FAT3: variants seen among roughly 807,000 people sequenced by gnomAD.
The protein encoded by FAT3 is FAT atypical cadherin 3.
FAT3 carries 95 observed loss-of-function variants against 310.2 expected under a neutral mutation model. That is an observed-to-expected ratio of 0.31 (90% CI 0.26 to 0.36). The LOEUF (loss-of-function observed/expected upper bound fraction) is 0.36. FAT3 is among the 10% of genes least tolerant of loss of function. The probability of loss-of-function intolerance (pLI) is 1.00; values close to 1 mark genes in which losing one functional copy is unlikely to be tolerated. For synonymous variants in FAT3, 2,314 were observed against 2,192.9 expected, an observed-to-expected ratio of 1.06 and a Z score of -1.54; for missense variants, 5,408 against 5,715.6, an observed-to-expected ratio of 0.95 and a Z score of 1.74.
intron 3 of FAT3, among the ~76,000 whole-genome samples, chr11:92,540,013 C>G (rs138309818): frequency 6.6e-6 from 1 of 152,102 alleles, no homozygotes; most frequent in Non-Finnish European, 1.5e-5. Context: ...TTTTATTTTG[C>G]GCTGAGCCCT....
chr11:92,671,601 T>G (rs1352244514), intron 3 of FAT3, among the ~76,000 whole-genome samples: 7 of 152,120 alleles, frequency 4.6e-5, no homozygotes, highest in Non-Finnish European at 1.0e-4. Flanking sequence ...TCATCCTTTT[T>G]ATTGCATTCA....
intron 2 of FAT3, among the ~76,000 whole-genome samples, chr11:92,447,029 C>T (rs1951228286): frequency 6.6e-6 from 1 of 152,050 alleles, no homozygotes; most frequent in Non-Finnish European, 1.5e-5. Context: ...AAAAATTTAC[C>T]TCTAAATCTG....
At chr11:92,560,555 G>A (rs12223286) in intron 3 of FAT3, among the ~76,000 whole-genome samples, 1,681 of 151,700 alleles carry the variant, frequency 0.011, 33 homozygotes, top group East Asian at 0.094. Flanking sequence ...TCTTACTTTT[G>A]TTGTTCTAAG....
chr11:92,552,584 A>T (rs1343187078), intron 3 of FAT3, among the ~76,000 whole-genome samples: 2 of 152,222 alleles, frequency 1.3e-5, no homozygotes, highest in Non-Finnish European at 2.9e-5. Flanking sequence ...TCATATGGTA[A>T]AATGAGTTAT....
chr11:92,641,999 A>G (rs1229377409), intron 3 of FAT3, among the ~76,000 whole-genome samples: 3 of 152,228 alleles, frequency 2.0e-5, no homozygotes, highest in Non-Finnish European at 4.4e-5. Flanking sequence ...CGTTTGAGGA[A>G]GTCTGAATTT....
chr11:92,486,536 A>G (rs1177172224), intron 2 of FAT3, among the ~76,000 whole-genome samples: 1 of 152,094 alleles, frequency 6.6e-6, no homozygotes. Flanking sequence ...TATTTGTGTC[A>G]GATACTGTAA....
intron 3 of FAT3, among the ~76,000 whole-genome samples, chr11:92,591,842 T>A (rs555628552): frequency 2.0e-5 from 3 of 152,322 alleles, no homozygotes; most frequent in African/African-American, 7.2e-5. Context: ...TCTTTGGATC[T>A]GTCTTGTTTC....
At chr11:92,321,100 A>T (rs1265742665) in intron 1 of FAT3, among the ~76,000 whole-genome samples, 2 of 152,136 alleles carry the variant, frequency 1.3e-5, no homozygotes, top group African/African-American at 2.4e-5. Context: ...ATGAAATAAG[A>T]TAACTCTTTA....
At chr11:92,588,180 G>T (rs548582259) in intron 3 of FAT3, among the ~76,000 whole-genome samples, 20 of 151,146 alleles carry the variant, frequency 1.3e-4, no homozygotes, top group Non-Finnish European at 2.5e-4. Context: ...TTCAACAGTG[G>T]TGTCTCTTTT....
chr11:92,424,335 A>G (rs1308516305), intron 2 of FAT3, among the ~76,000 whole-genome samples: 1 of 152,162 alleles, frequency 6.6e-6, no homozygotes, highest in Middle Eastern at 3.2e-3. Flanking sequence ...CTGTTTTAAT[A>G]TTTTACATAA....
chr11:92,381,970 T>C (rs1262631603), intron 2 of FAT3, among the ~76,000 whole-genome samples: 1 of 152,178 alleles, frequency 6.6e-6, no homozygotes, highest in Non-Finnish European at 1.5e-5. Context: ...AGAGTTTTTG[T>C]TGGTTCTTCA....
At chr11:92,265,471 A>G (rs1222318057) in intron 1 of FAT3, among the ~76,000 whole-genome samples, 1 of 151,864 alleles carries the variant, frequency 6.6e-6, no homozygotes, top group African/African-American at 2.4e-5. Context: ...AGTAAACAGG[A>G]AATTATACTA....
chr11:92,673,903 A>G (rs1214410614), intron 3 of FAT3, among the ~76,000 whole-genome samples: 2 of 152,088 alleles, frequency 1.3e-5, no homozygotes, highest in Non-Finnish European at 2.9e-5. Flanking sequence ...GTTTTGGGCC[A>G]GGTATGGTGG....
chr11:92,470,682 G>C (rs946957136), intron 2 of FAT3, among the ~76,000 whole-genome samples: 8 of 152,130 alleles, frequency 5.3e-5, no homozygotes, highest in African/African-American at 1.9e-4. Flanking sequence ...TGTGGGTTTG[G>C]CTGAAATGCC....
intron 4 of FAT3, among the ~76,000 whole-genome samples, chr11:92,739,046 A>C (rs1945431512): frequency 6.6e-6 from 1 of 152,172 alleles, no homozygotes; most frequent in Non-Finnish European, 1.5e-5. Context: ...CAAACTCAAA[A>C]GCACCAAGAT....
At chr11:92,765,977 G>C (rs1225259792) in intron 6 of FAT3, among the ~76,000 whole-genome samples, 1 of 152,008 alleles carries the variant, frequency 6.6e-6, no homozygotes, top group Non-Finnish European at 1.5e-5. Context: ...AGCCCCATCA[G>C]GAGAGTCCCC....
intron 3 of FAT3, among the ~76,000 whole-genome samples, chr11:92,529,499 T>A (rs1953995222): frequency 2.0e-5 from 3 of 152,130 alleles, no homozygotes; most frequent in Admixed American, 2.0e-4. Flanking sequence ...TGTTTCTGAG[T>A]TTGATAATAG....
At chr11:92,651,831 A>C (rs902447482) in intron 3 of FAT3, among the ~76,000 whole-genome samples, 7 of 152,302 alleles carry the variant, frequency 4.6e-5, no homozygotes, top group African/African-American at 1.7e-4. Flanking sequence ...TCAAAATTTT[A>C]TTCCCCAGCT....
At chr11:92,805,061 C>A in intron 10 of FAT3, 92 bp from the exon 11 acceptor site, 2 of 1,300,502 alleles carry the variant, frequency 1.5e-6, no homozygotes, top group Non-Finnish European at 2.1e-6. Flanking sequence ...TAAGGAGTAC[C>A]TGGATGACTC....
Sources: allele counts gnomAD v4.1 joint callset (sites outside exome capture counted in the v4.1 genomes callset), GRCh38; gene constraint gnomAD v4.1.1; transcripts MANE v1.5; gene names NCBI Gene and HGNC (gene_info 2026-07-23, HGNC 2026-07-21).